CACNA1C: variants seen among roughly 807,000 people sequenced by gnomAD.
CACNA1C encodes the protein calcium voltage-gated channel subunit alpha1 C.
In CACNA1C, 30 loss-of-function variants were observed where a neutral mutation model predicts 229.0. That is an observed-to-expected ratio of 0.13 (90% CI 0.10 to 0.18). The LOEUF (loss-of-function observed/expected upper bound fraction) is 0.18, where lower values mean the gene tolerates loss of function less well. Ranked by LOEUF, CACNA1C falls within the 10% of genes least tolerant of loss-of-function variation. CACNA1C has a pLI of 1.00. For missense variants in CACNA1C, 1,658 were observed against 2,845.0 expected, an observed-to-expected ratio of 0.58 and a Z score of 9.49; for synonymous variants, 1,114 against 1,132.5, an observed-to-expected ratio of 0.98 and a Z score of 0.33.
intron 3 of CACNA1C, among the ~76,000 whole-genome samples, chr12:2,394,651 T>C (rs1378681459): frequency 2.6e-5 from 4 of 152,220 alleles, no homozygotes; most frequent in South Asian, 2.1e-4. Flanking sequence ...CAGAAGTGCA[T>C]TGGTGACAAG....
chr12:2,302,731 A>G (rs962882773), intron 3 of CACNA1C, among the ~76,000 whole-genome samples: 1 of 152,226 alleles, frequency 6.6e-6, no homozygotes, highest in Non-Finnish European at 1.5e-5. Context: ...TAGTGCTTTG[A>G]ACATGTTGAC....
At chr12:2,424,749 G>A (rs909607890) in intron 3 of CACNA1C, among the ~76,000 whole-genome samples, 2 of 152,310 alleles carry the variant, frequency 1.3e-5, no homozygotes, top group African/African-American at 4.8e-5. Context: ...TCCAGGTACT[G>A]TGTCCTGTGG....
intron 3 of CACNA1C, among the ~76,000 whole-genome samples, chr12:2,401,185 C>A (rs1018150812): frequency 1.7e-4 from 26 of 152,174 alleles, no homozygotes; most frequent in African/African-American, 6.0e-4. Context: ...TTTTGAGTCT[C>A]CAGTCCTTGT....
chr12:2,253,493 G>A (rs1353008419), intron 3 of CACNA1C, among the ~76,000 whole-genome samples: 1 of 152,214 alleles, frequency 6.6e-6, no homozygotes, highest in African/African-American at 2.4e-5. Flanking sequence ...TACAGTGGAG[G>A]CCAAACATAT....
intron 10 of CACNA1C, among the ~76,000 whole-genome samples, chr12:2,551,502 C>T (rs2099902962): frequency 6.6e-6 from 1 of 152,076 alleles, no homozygotes; most frequent in African/African-American, 2.4e-5. Context: ...TATAATATGC[C>T]CCGAATAAAA....
chr12:2,051,363 C>T (rs1400200541), upstream of CACNA1C, among the ~76,000 whole-genome samples: 1 of 152,186 alleles, frequency 6.6e-6, no homozygotes, highest in Non-Finnish European at 1.5e-5. Context: ...TTGTACTCAG[C>T]CATTCCTGTA....
intron 34 of CACNA1C, among the ~76,000 whole-genome samples, chr12:2,658,435 G>A (rs905528943): frequency 6.6e-6 from 1 of 152,114 alleles, no homozygotes; most frequent in Non-Finnish European, 1.5e-5. Context: ...ACCCAGTGAC[G>A]CTATAGCATC....
chr12:2,001,393 A>C (rs2042169199), intron 1 of CACNA1C, among the ~76,000 whole-genome samples: 1 of 152,190 alleles, frequency 6.6e-6, no homozygotes, highest in Non-Finnish European at 1.5e-5. Context: ...TTAATATTAT[A>C]CTGTATTATA....
In CACNA1C at chr12:2,512,792, C is replaced by T. The variant is rs1463763114; in HGVS notation, c.1218-20C>T. 8 of 1,596,316 alleles carry T rather than the reference C, an allele frequency of 5.0e-6. No homozygotes were observed. Among genetic ancestry groups the T allele is most frequent in the African/African-American group, 1.3e-5 (1 of 74,550 alleles). On this transcript the variant is annotated intron_variant, in intron 8 of 46. Transcript: ENST00000399655. This position sits in a 1 kb window ranked among gnomAD's most constrained non-coding sequence, Gnocchi z 4.3. ...CTTCTCTGTGCTCTCCTGCCCTGCCCCTCCTCTCACTCTCACCAGAGAGTT... is the reference window on the plus strand; with the variant it reads ...CTTCTCTGTGCTCTCCTGCCCTGCCTCTCCTCTCACTCTCACCAGAGAGTT...
intron 3 of CACNA1C, among the ~76,000 whole-genome samples, chr12:2,232,080 C>G (rs1369819486): frequency 6.6e-6 from 1 of 152,070 alleles, no homozygotes; most frequent in African/African-American, 2.4e-5. Flanking sequence ...ATACTTTTAA[C>G]AAACTTCAGA....
intron 21 of CACNA1C, among the ~76,000 whole-genome samples, chr12:2,598,489 G>A (rs115274391): frequency 6.6e-6 from 1 of 152,228 alleles, no homozygotes; most frequent in African/African-American, 2.4e-5. Context: ...GAGCAAGGGG[G>A]TAGATTCTAC....
chr12:2,659,137 C>G (rs2095576793), intron 34 of CACNA1C, among the ~76,000 whole-genome samples: 1 of 152,182 alleles, frequency 6.6e-6, no homozygotes, highest in Admixed American at 6.5e-5. Context: ...CCTAGGCCCT[C>G]ACAGTCACTC....
In CACNA1C at chr12:2,275,412, T is replaced by C. The variant is rs2087344494; in HGVS notation, c.477+154982T>C. On this transcript the variant is annotated intron_variant, in intron 3 of 46. Transcript: ENST00000399655. The surrounding 1 kb of genome is among the most constrained non-coding windows in gnomAD (Gnocchi z 4.1). ...CCCGGAAGGCTCGTGCCCGCACAGA[T>C]TGTCTGGTGAGCCCGCCAGCTGTAC... 6.6e-6 allele frequency among the ~76,000 whole-genome samples: 1 copy of C among 152,118 alleles called. No individual in the cohort carries two copies. The highest frequency in any genetic ancestry group is 1.5e-5 in the Non-Finnish European group (1 of 68,018).
At chr12:2,590,443 T>C (rs1232831020) in intron 18 of CACNA1C, among the ~76,000 whole-genome samples, 1 of 152,230 alleles carries the variant, frequency 6.6e-6, no homozygotes, top group Non-Finnish European at 1.5e-5. Context: ...GGTGGTTCAG[T>C]TGCCAACCCC....
intron 3 of CACNA1C, among the ~76,000 whole-genome samples, chr12:2,307,357 T>C (rs971773349): frequency 2.6e-5 from 4 of 152,172 alleles, no homozygotes; most frequent in Admixed American, 1.3e-4. Flanking sequence ...CCTCCTTTAT[T>C]TAACAGTTGA....
At chr12:2,298,057 A>G (rs1237211346) in intron 3 of CACNA1C, among the ~76,000 whole-genome samples, 8 of 152,172 alleles carry the variant, frequency 5.3e-5, no homozygotes, top group Admixed American at 5.2e-4. Context: ...GGGTCCAGGC[A>G]AGGGCTGTGG....
chr12:2,435,183 C>G (rs569464440), intron 3 of CACNA1C, among the ~76,000 whole-genome samples: 5 of 152,316 alleles, frequency 3.3e-5, no homozygotes, highest in African/African-American at 7.2e-5. Context: ...CGACCTTGAC[C>G]AGGACCCCAT....
chr12:2,499,766 T>G (rs2099754823), intron 7 of CACNA1C, among the ~76,000 whole-genome samples: 1 of 152,000 alleles, frequency 6.6e-6, no homozygotes, highest in Non-Finnish European at 1.5e-5. Flanking sequence ...ACCTATCCCT[T>G]ATTTCACCTC....
At chr12:2,453,559 T>C (rs543523001) in intron 4 of CACNA1C, among the ~76,000 whole-genome samples, 1 of 152,244 alleles carries the variant, frequency 6.6e-6, no homozygotes, top group East Asian at 1.9e-4. Context: ...TTTCCCTATT[T>C]TTCTTGGTTG....
Sources: gnomAD v4.1 joint callset for allele counts (sites outside exome capture counted in the v4.1 genomes callset) on GRCh38, gnomAD v4.1.1 for gene constraint, Gnocchi (gnomAD v3.1) non-coding constraint, MANE v1.5 for transcripts, NCBI Gene and HGNC (gene_info 2026-07-23, HGNC 2026-07-21) for gene names.